Variants in WWP2 observed in about 807,000 individuals in gnomAD.
The protein encoded by WWP2 is NEDD4-like E3 ubiquitin-protein ligase WWP2.
Under a neutral mutation model 121.0 loss-of-function variants are expected in WWP2, and 57 were observed. The ratio of observed to expected loss-of-function variants is 0.47; its 90% CI spans 0.38 to 0.59. The LOEUF is 0.59. WWP2 is among the 20% of genes least tolerant of loss of function. WWP2 has a pLI of 0.00. For missense variants in WWP2, 962 were observed against 1,158.9 expected (o/e 0.83, Z 2.47); for synonymous variants, 449 against 441.3 (o/e 1.02, Z -0.22).
rs143060753 is a variant in WWP2, at chr16:69,780,177, C to A, written c.-15-6819C>A. 4.4e-3 allele frequency among the ~76,000 whole-genome samples: 671 copies of A among 151,986 alleles called. 9 individuals carry two copies. Among genetic ancestry groups the A allele is most frequent in the African/African-American group, 0.015 (629 of 41,456 alleles). On this transcript the variant is annotated intron_variant, in intron 1 of 23. Coordinates refer to ENST00000359154, the MANE Select transcript of WWP2 (RefSeq NM_001270454.2). ...TTTATACTTTTAAACGTTTGTGTGT[C>A]CACAACAACAACGTATACAGTTGTT...
Position 69,925,392 on chromosome 16 carries a change from T to C in WWP2, c.1180-38T>C, listed in dbSNP as rs769886944. ...GATTGATTTTTTCACCAGTGGCTTT[T>C]TGTAACCTCTGTGTTCTGCTGTGTT... is the stretch of plus-strand genomic sequence containing the variant. On this transcript the variant is annotated intron_variant, in intron 10 of 23. Transcript: ENST00000359154. The surrounding 1 kb of genome is among the most constrained non-coding windows in gnomAD (Gnocchi z 4.0). 15 of 1,595,346 alleles carry C rather than the reference T, an allele frequency of 9.4e-6. No homozygotes were observed. In the Admixed American group the frequency reaches 2.4e-4, roughly 25 times the overall value.
At chr16:69,817,783 C>G (rs113912441) in intron 4 of WWP2, among the ~76,000 whole-genome samples, 2 of 151,474 alleles carry the variant, frequency 1.3e-5, no homozygotes, top group South Asian at 2.1e-4. Context: ...CTCAGCCTTC[C>G]GAGTAGCTGA....
intron 1 of WWP2, among the ~76,000 whole-genome samples, chr16:69,768,112 A>G (rs1375077103): frequency 6.6e-6 from 1 of 152,130 alleles, no homozygotes; most frequent in African/African-American, 2.4e-5. Context: ...GTTTGGGGTT[A>G]CAGGTGTGAG....
chr16:69,847,270 A>C (rs1335543181), intron 6 of WWP2, among the ~76,000 whole-genome samples: 3 of 151,636 alleles, frequency 2.0e-5, no homozygotes, highest in Non-Finnish European at 4.4e-5. Context: ...TTTTTAGTAG[A>C]GACGGGGTTT....
At chr16:69,831,028 T>C (rs1253807116) in intron 4 of WWP2, among the ~76,000 whole-genome samples, 1 of 152,162 alleles carries the variant, frequency 6.6e-6, no homozygotes, top group African/African-American at 2.4e-5. Flanking sequence ...CACCCGCTTT[T>C]GATGGGCCTA....
chr16:69,831,143 C>G (rs1567690973), intron 4 of WWP2, among the ~76,000 whole-genome samples: 1 of 152,182 alleles, frequency 6.6e-6, no homozygotes, highest in Non-Finnish European at 1.5e-5. Flanking sequence ...TTCAGAGACT[C>G]TTAATCCTGG....
intron 4 of WWP2, among the ~76,000 whole-genome samples, chr16:69,827,001 A>C (rs2056712647): frequency 6.6e-6 from 1 of 151,192 alleles, no homozygotes; most frequent in Non-Finnish European, 1.5e-5. Context: ...CCAGTTACCC[A>C]GCTTAAATGA....
At chr16:69,908,690 G>T (rs1425435233) in intron 8 of WWP2, 71 bp from the exon 9 acceptor site, 2 of 1,541,226 alleles carry the variant, frequency 1.3e-6, no homozygotes, top group East Asian at 2.4e-5. Context: ...AGTGATGAAG[G>T]TCTTCCTTTC....
chr16:69,777,205 A>C (rs150121644), intron 1 of WWP2, among the ~76,000 whole-genome samples: 22 of 151,900 alleles, frequency 1.4e-4, no homozygotes, highest in African/African-American at 5.1e-4. Flanking sequence ...ATACATATGG[A>C]GATATCATAT....
At chr16:69,810,535 C>G (rs2056371093) in intron 4 of WWP2, among the ~76,000 whole-genome samples, 1 of 151,164 alleles carries the variant, frequency 6.6e-6, no homozygotes, top group African/African-American at 2.4e-5. Context: ...TCACGCCATT[C>G]TCCTGCCTCA....
intron 6 of WWP2, among the ~76,000 whole-genome samples, chr16:69,844,912 C>A (rs1420353794): frequency 6.6e-6 from 1 of 152,172 alleles, no homozygotes; most frequent in Non-Finnish European, 1.5e-5. Context: ...CAAATATTAT[C>A]CAAAGGCTGT....
At chr16:69,834,005 T>G (rs927324619) in intron 4 of WWP2, among the ~76,000 whole-genome samples, 3 of 152,234 alleles carry the variant, frequency 2.0e-5, no homozygotes, top group African/African-American at 7.2e-5. Flanking sequence ...AACCACCATC[T>G]GCTCTTGCCT....
intron 4 of WWP2, among the ~76,000 whole-genome samples, chr16:69,821,552 G>A (rs931971378): frequency 2.6e-5 from 4 of 152,082 alleles, no homozygotes; most frequent in Admixed American, 6.6e-5. Context: ...TTTGGAAGTC[G>A]GTCAGCCTCG....
At chr16:69,936,012 C>A in intron 18 of WWP2, 26 bp downstream of exon 18, 1 of 1,610,648 alleles carries the variant, frequency 6.2e-7, no homozygotes, top group Non-Finnish European at 8.5e-7. Context: ...CCTTGCCCCA[C>A]CGCGCTGATA....
chr16:69,821,617 CA>C (rs2056593668), intron 4 of WWP2, among the ~76,000 whole-genome samples: 1 of 152,186 alleles, frequency 6.6e-6, no homozygotes, highest in South Asian at 2.1e-4. Context: ...GAATGCTGGC[CA>C]AGGCCTTTCC....
In WWP2 at chr16:69,857,287, G is replaced by A. The variant is rs144977360; in HGVS notation, c.576-14517G>A. Among the ~76,000 whole-genome samples the A allele has an allele frequency of 6.5e-3, 988 of 152,186 alleles. 9 individuals carry two copies. Among genetic ancestry groups the A allele is most frequent in the African/African-American group, 0.022 (927 of 41,522 alleles). ...GTTTTTGTATTTTTAGTAGAGATGGGGTTTCACCTGTTGGCCAGGCTGGTC... is the reference window on the plus strand; with the variant it reads ...GTTTTTGTATTTTTAGTAGAGATGGAGTTTCACCTGTTGGCCAGGCTGGTC... On this transcript the variant is annotated intron_variant, in intron 6 of 23. Transcript: ENST00000359154.
At position 69,799,371 on chromosome 16, in the gene WWP2, C is replaced by G. The variant is rs566242950; in HGVS notation, c.340+76C>G. On this transcript the variant is annotated intron_variant, in intron 4 of 23. Coordinates refer to ENST00000359154, the MANE Select transcript of WWP2 (RefSeq NM_001270454.2). The surrounding 1 kb of genome is among the most constrained non-coding windows in gnomAD (Gnocchi z 4.5). ...GACCTGGCAGATCAACCTGGTATTG[C>G]AATTTCCCCCAGGACTAGGGGCTGC... is the stretch of plus-strand genomic sequence containing the variant. 14 of 1,550,980 alleles carry G rather than the reference C, an allele frequency of 9.0e-6. No individual in the cohort carries two copies. In the Admixed American group the frequency reaches 1.3e-4, roughly 15 times the overall value.
chr16:69,898,703 T>C (rs2058148108), intron 8 of WWP2, among the ~76,000 whole-genome samples: 1 of 152,222 alleles, frequency 6.6e-6, no homozygotes. Flanking sequence ...TTTTTTGTTG[T>C]TGTTTTTGTT....
intron 9 of WWP2, among the ~76,000 whole-genome samples, chr16:69,916,400 C>T (rs1275174225): frequency 2.6e-5 from 4 of 152,136 alleles, no homozygotes; most frequent in Non-Finnish European, 5.9e-5. Flanking sequence ...GGGGGTCTCC[C>T]TCTGTTGCTT....
Sources: allele counts gnomAD v4.1 joint callset (sites outside exome capture counted in the v4.1 genomes callset), GRCh38; gene constraint gnomAD v4.1.1; non-coding constraint Gnocchi (gnomAD v3.1); transcripts MANE v1.5; gene names NCBI Gene and HGNC (gene_info 2026-07-23, HGNC 2026-07-21).